The following CEP72 variants were observed in gnomAD, a reference collection of about 807,000 sequenced individuals.
The protein encoded by CEP72 is centrosomal protein 72.
In CEP72, 78 loss-of-function variants were observed where a neutral mutation model predicts 65.7. The ratio of observed to expected loss-of-function variants is 1.19; its 90% CI spans 0.99 to 1.43. The LOEUF (loss-of-function observed/expected upper bound fraction) is 1.43, where lower values mean the gene tolerates loss of function less well. Ranked by LOEUF, CEP72 falls within the 40% of genes most tolerant of loss-of-function variation. The pLI is 0.00. For missense variants in CEP72, 914 were observed against 832.9 expected, an observed-to-expected ratio of 1.10 and a Z score of -1.20; for synonymous variants, 358 against 351.7, an observed-to-expected ratio of 1.02 and a Z score of -0.20.
At chr5:642,908 TC>T in intron 9 of CEP72, 2 of 985,456 alleles carry the variant, frequency 2.0e-6, no homozygotes, top group East Asian at 1.1e-4. Flanking sequence ...AGACCTTGCT[TC>T]CTTTGGAAGC....
intron 4 of CEP72, among the ~76,000 whole-genome samples, chr5:625,113 G>T (rs1023362616): frequency 6.6e-6 from 1 of 152,168 alleles, no homozygotes; most frequent in African/African-American, 2.4e-5. Flanking sequence ...GTGTGAGCCG[G>T]GCCTGCTTCC....
At chr5:658,515 C>A (rs1739445715), downstream of CEP72, among the ~76,000 whole-genome samples, 1 of 152,186 alleles carries the variant, frequency 6.6e-6, no homozygotes, top group African/African-American at 2.4e-5. Context: ...CCTTTGCCTC[C>A]ATTTTCTTTT....
intron 9 of CEP72, chr5:640,815 T>G (rs999050790): frequency 1.0e-6 from 1 of 985,300 alleles, no homozygotes; most frequent in Non-Finnish European, 1.2e-6. Context: ...GAGACAGCAG[T>G]GGCGCTGGCC....
At position 624,555 on chromosome 5, in the gene CEP72, T is replaced by G; in HGVS notation, c.488T>G (p.Val163Gly). ...SEDSLDSKES[V>G]PASLKEGRPH... The stretch of plus-strand genomic sequence containing the variant: ...GACTCACTCGACTCCAAAGAGAGCG[T>G]CCCAGCTTCTTTGAAAGAGGGCAGG... Residue 163 changes from valine to glycine, a missense_variant, in exon 4 of 12, where the codon GTC becomes GGC. Coordinates refer to ENST00000264935, the MANE Select transcript of CEP72 (RefSeq NM_018140.4). This position sits in a 1 kb window ranked among gnomAD's most constrained non-coding sequence, Gnocchi z 4.7. 6.2e-7 allele frequency: 1 copy of G among 1,613,060 alleles called. No homozygotes were observed. Among genetic ancestry groups the G allele is most frequent in the Non-Finnish European group, 8.5e-7 (1 of 1,179,012 alleles).
chr5:647,845 G>A lies in CEP72; in HGVS notation c.1707G>A (p.Val569=), dbSNP rs777818681. The A allele has an allele frequency of 2.7e-5, 44 of 1,612,706 alleles. No individual in the cohort carries two copies. The highest frequency in any genetic ancestry group is 3.7e-5 in the Non-Finnish European group (44 of 1,179,920). ...TSVKRLCGEI[V]ELKQHLEHYD... is the part of the protein sequence containing the mutation. ...TGAAGAGGCTGTGTGGCGAGATTGT[G>A]GAACTGAAGCAGCACCTGGAGCACT... Residue 569 remains valine, a synonymous_variant, in exon 11 of 12, where the codon GTG becomes GTA. Coordinates refer to ENST00000264935, the MANE Select transcript of CEP72 (RefSeq NM_018140.4).
chr5:619,949 G>T, intron 2 of CEP72, 120 bp from the exon 3 acceptor site: 1 of 751,692 alleles, frequency 1.3e-6, no homozygotes, highest in East Asian at 2.7e-5. Context: ...TCCTGGTAAT[G>T]ACATGGAGTT....
downstream of CEP72, among the ~76,000 whole-genome samples, chr5:669,973 A>G (rs1003467101): frequency 2.7e-5 from 4 of 146,348 alleles, no homozygotes; most frequent in Non-Finnish European, 6.1e-5. Context: ...CTCATTGCCC[A>G]TGCTCTCCCC....
downstream of CEP72, among the ~76,000 whole-genome samples, chr5:658,371 G>T (rs1035831905): frequency 6.6e-6 from 1 of 152,174 alleles, no homozygotes; most frequent in Non-Finnish European, 1.5e-5. Context: ...TGCTGTTCAG[G>T]GGCATTCCTC....
intron 1 of CEP72, among the ~76,000 whole-genome samples, chr5:613,168 G>A (rs1735782301): frequency 6.6e-6 from 1 of 152,226 alleles, no homozygotes; most frequent in Non-Finnish European, 1.5e-5. Context: ...GTGTTGAGTT[G>A]TTTCTGGTGT....
At chr5:618,225 T>A (rs1736121107) in intron 1 of CEP72, among the ~76,000 whole-genome samples, 1 of 152,078 alleles carries the variant, frequency 6.6e-6, no homozygotes, top group African/African-American at 2.4e-5. Flanking sequence ...TTGGAGGTAT[T>A]GTAGAGATAA....
intron 3 of CEP72, among the ~76,000 whole-genome samples, chr5:621,096 C>T (rs958724843): frequency 2.0e-5 from 3 of 152,122 alleles, no homozygotes; most frequent in Non-Finnish European, 2.9e-5. Context: ...GTTGACATGT[C>T]GTGGTGGGGA....
At chr5:641,170 C>G (rs1013016014) in intron 9 of CEP72, 2 of 984,850 alleles carry the variant, frequency 2.0e-6, no homozygotes, top group African/African-American at 3.5e-5. Context: ...GGCTCTGTCT[C>G]AGCCGTGGGC....
At chr5:663,091 T>TCCGGTGGCCGCTCGTCTGTGATC (rs1266820183) in intron 1 of CEP72, 2 of 87,948 alleles carry the variant, frequency 2.3e-5, no homozygotes, top group East Asian at 2.7e-4. Context: ...TGTCTGTGAT[T>TCCGGTGGCCGCTCGTCTGTGATC]GGGCGATTCC....
At chr5:639,252 C>T (rs2126791275) in intron 8 of CEP72, 28 bp downstream of exon 8, 3 of 1,534,744 alleles carry the variant, frequency 2.0e-6, no homozygotes, top group South Asian at 1.2e-5. Context: ...CTGCTCTTGC[C>T]CTGTAGGCAG....
At chr5:612,611 C>T (rs1735743443) in intron 1 of CEP72, 168 bp downstream of exon 1, 1 of 985,222 alleles carries the variant, frequency 1.0e-6, no homozygotes, top group African/African-American at 1.7e-5. Flanking sequence ...GGTGAGCGAC[C>T]CACCCCCCGT....
In CEP72 at chr5:653,280, T is replaced by A. The variant is rs1187224465; in HGVS notation, c.*127T>A. 3 of 1,003,726 alleles carry A rather than the reference T, an allele frequency of 3.0e-6. No homozygotes were observed. Among genetic ancestry groups the A allele is most frequent in the Middle Eastern group, 2.2e-4 (1 of 4,604 alleles). 62.2% of individuals were successfully genotyped at this position (1,003,726 alleles called of 1,614,324 possible). On this transcript the variant is annotated 3_prime_UTR_variant, in exon 12 of 12. Coordinates refer to ENST00000264935, the MANE Select transcript of CEP72 (RefSeq NM_018140.4). ...CTCTTCTGTTGGTAATTATTTAGGA[T>A]TTTTGGAATGTATTCAGGACCTGTA...
intron 9 of CEP72, chr5:641,144 T>A (rs1447286578): frequency 1.0e-6 from 1 of 984,128 alleles, no homozygotes; most frequent in Non-Finnish European, 1.2e-6. Flanking sequence ...CGCCGTCTCA[T>A]CTGAGGCCTC....
intron 3 of CEP72, chr5:665,919 G>GGCCCCC: frequency 2.9e-6 from 1 of 344,042 alleles, no homozygotes; most frequent in Non-Finnish European, 4.0e-6. Context: ...CACCTTCCAG[G>GGCCCCC]CCCCGCCCCC....
the CEP72 span, among the ~76,000 whole-genome samples, chr5:674,817 C>T: frequency 2.1e-4 from 32 of 151,676 alleles, 1 homozygote; most frequent in African/African-American, 7.5e-4. Context: ...CTCCAGGCAG[C>T]GGCTGACATA....
Sources: allele counts gnomAD v4.1 joint callset (sites outside exome capture counted in the v4.1 genomes callset), GRCh38; gene constraint gnomAD v4.1.1; non-coding constraint Gnocchi (gnomAD v3.1); transcripts MANE v1.5; gene names NCBI Gene and HGNC (gene_info 2026-07-23, HGNC 2026-07-21).